The following DYNC2H1 variants were observed in gnomAD, a reference collection of about 807,000 sequenced individuals.
DYNC2H1 encodes dynein cytoplasmic 2 heavy chain 1.
Under a neutral mutation model 570.0 loss-of-function variants are expected in DYNC2H1, and 410 were observed. That is an observed-to-expected ratio of 0.72 (90% CI 0.66 to 0.78). The LOEUF (loss-of-function observed/expected upper bound fraction) is 0.78. DYNC2H1 is among the 30% of genes least tolerant of loss of function. The probability of loss-of-function intolerance (pLI) is 0.00; values close to 1 mark genes in which losing one functional copy is unlikely to be tolerated. For synonymous variants in DYNC2H1, 1,688 were observed against 1,677.6 expected, an observed-to-expected ratio of 1.01 and a Z score of -0.15; for missense variants, 4,865 against 5,046.4, an observed-to-expected ratio of 0.96 and a Z score of 1.09.
intron 88 of DYNC2H1, among the ~76,000 whole-genome samples, chr11:103,473,339 T>A (rs1047950172): frequency 2.0e-5 from 3 of 147,842 alleles, no homozygotes; most frequent in African/African-American, 7.6e-5. Flanking sequence ...CAGGCTGGAG[T>A]GCAGTGGCTC....
chr11:103,417,369 A>G (rs2458647), intron 84 of DYNC2H1, among the ~76,000 whole-genome samples: 75,887 of 151,532 alleles, frequency 0.5, 19,174 homozygotes, highest in African/African-American at 0.58. Flanking sequence ...CCAAATTGCT[A>G]GGATTACAGG....
chr11:103,415,514 GAA>G (rs556981825), intron 84 of DYNC2H1, among the ~76,000 whole-genome samples: 10 of 152,272 alleles, frequency 6.6e-5, no homozygotes, highest in Non-Finnish European at 1.0e-4. Context: ...CTTCTCAAAA[GAA>G]GACATCTATG....
chr11:103,470,449 T>G (rs1173163730), intron 88 of DYNC2H1, among the ~76,000 whole-genome samples: 1 of 152,202 alleles, frequency 6.6e-6, no homozygotes, highest in Non-Finnish European at 1.5e-5. Context: ...TTCTTTAAGT[T>G]TTAGGGTACA....
chr11:103,116,853 A>T, intron 5 of DYNC2H1, 139 bp downstream of exon 5: 1 of 702,680 alleles, frequency 1.4e-6, no homozygotes, highest in Non-Finnish European at 2.1e-6. Flanking sequence ...CATTATTTAA[A>T]TAGATATTTG....
At chr11:103,440,259 C>T (rs1175064701) in intron 85 of DYNC2H1, among the ~76,000 whole-genome samples, 1 of 152,130 alleles carries the variant, frequency 6.6e-6, no homozygotes, top group African/African-American at 2.4e-5. Flanking sequence ...GTTTAATGGA[C>T]TCCTAAATAT....
chr11:103,253,869 T>C (rs2135256111), intron 66 of DYNC2H1, among the ~76,000 whole-genome samples: 1 of 152,266 alleles, frequency 6.6e-6, no homozygotes, highest in East Asian at 1.9e-4. Flanking sequence ...TTAGAACACA[T>C]GGCATCTTTG....
intron 81 of DYNC2H1, 41 bp from the exon 82 acceptor site, chr11:103,323,841 ATCTT>A (rs1938332896): frequency 7.1e-7 from 1 of 1,412,406 alleles, no homozygotes; most frequent in African/African-American, 1.4e-5. Context: ...TGTAAGTTCA[ATCTT>A]TATTTTTTAA....
rs1349502187 is a variant in DYNC2H1, at chr11:103,170,716, A to T, written c.5152-170A>T. On this transcript the variant is annotated intron_variant, in intron 33 of 88. Coordinates refer to ENST00000375735, the MANE Select transcript of DYNC2H1 (RefSeq NM_001377.3). This position sits in a 1 kb window ranked among gnomAD's most constrained non-coding sequence, Gnocchi z 4.8. The stretch of plus-strand genomic sequence containing the variant: ...ATGCATTATTTTGTTTATCCCTTGA[A>T]ATCAACCTGGGTTTTGAAAGAGTAG... 6.6e-6 allele frequency among the ~76,000 whole-genome samples: 1 copy of T among 152,188 alleles called. No individual in the cohort carries two copies. The highest frequency in any genetic ancestry group is 1.5e-5 in the Non-Finnish European group (1 of 68,030).
At chr11:103,394,990 C>T (rs1416746881) in intron 83 of DYNC2H1, among the ~76,000 whole-genome samples, 1 of 152,000 alleles carries the variant, frequency 6.6e-6, no homozygotes, top group Non-Finnish European at 1.5e-5. Flanking sequence ...CCTTCCCTAC[C>T]CTCCTCTTTC....
chr11:103,372,333 G>T (rs894836257), intron 83 of DYNC2H1, among the ~76,000 whole-genome samples: 1 of 152,022 alleles, frequency 6.6e-6, no homozygotes, highest in Admixed American at 6.6e-5. Flanking sequence ...TCTCGTTCTT[G>T]ATCTTAACAT....
intron 85 of DYNC2H1, 129 bp downstream of exon 85, chr11:103,436,161 A>T (rs1444826235): frequency 2.3e-5 from 16 of 695,092 alleles, no homozygotes. Flanking sequence ...TATATTCATT[A>T]TTCTGCCATT....
Position 103,201,463 on chromosome 11 carries a change from T to C in DYNC2H1, c.8197+1309T>C, listed in dbSNP as rs1862715378. Reference sequence around the variant, plus strand: ...ATTCCTCAGCATTTCTCACCCCTAATTGCACGTTAGAATCACTAGGATAAT... The same window carrying C: ...ATTCCTCAGCATTTCTCACCCCTAACTGCACGTTAGAATCACTAGGATAAT... On this transcript the variant is annotated intron_variant, in intron 50 of 88. Transcript: ENST00000375735. The surrounding 1 kb of genome is among the most constrained non-coding windows in gnomAD (Gnocchi z 4.8). Among the ~76,000 whole-genome samples the C allele has an allele frequency of 6.6e-6, 1 of 152,080 alleles. No homozygotes were observed. The highest frequency in any genetic ancestry group is 2.4e-5 in the African/African-American group (1 of 41,404).
intron 84 of DYNC2H1, chr11:103,404,855 T>C (rs1187576169): frequency 1.3e-5 from 2 of 151,876 alleles, no homozygotes; most frequent in East Asian, 3.9e-4. Context: ...GATCATTTGA[T>C]GTTACCGCCA....
intron 47 of DYNC2H1, among the ~76,000 whole-genome samples, chr11:103,192,703 T>C (rs1862366596): frequency 1.3e-5 from 2 of 152,224 alleles, no homozygotes; most frequent in Non-Finnish European, 2.9e-5. Flanking sequence ...TCATCTATTG[T>C]TATTGTAAAG....
At chr11:103,361,426 T>A (rs772759257) in intron 83 of DYNC2H1, among the ~76,000 whole-genome samples, 1 of 152,214 alleles carries the variant, frequency 6.6e-6, no homozygotes, top group Non-Finnish European at 1.5e-5. Flanking sequence ...AGAAATACAT[T>A]TCTGTTGTTT....
At chr11:103,454,285 C>G (rs764147516) in intron 85 of DYNC2H1, among the ~76,000 whole-genome samples, 3 of 152,050 alleles carry the variant, frequency 2.0e-5, no homozygotes, top group Non-Finnish European at 4.4e-5. Context: ...GGATTCTGTA[C>G]GTTTTTAATC....
chr11:103,120,875 A>G, intron 8 of DYNC2H1, 50 bp from the exon 9 acceptor site: 1 of 1,177,520 alleles, frequency 8.5e-7, no homozygotes, highest in Non-Finnish European at 1.1e-6. Context: ...ATATATATTT[A>G]CTGAGTTGAT....
rs1199478527 is a variant in DYNC2H1 at position 103,135,959 on chromosome 11, T to C, written c.2574+11T>C. The stretch of plus-strand genomic sequence containing the variant: ...TTACACCAACATAAGGTATAGAACA[T>C]GTAATGTTCCATCCTTCCATCATAA... On this transcript the variant is annotated intron_variant, in intron 17 of 88. Transcript: ENST00000375735. 1.9e-6 allele frequency: 3 copies of C among 1,541,666 alleles called. No homozygotes were observed. The highest frequency in any genetic ancestry group is 2.0e-5 in the Admixed American group (1 of 51,144).
intron 54 of DYNC2H1, among the ~76,000 whole-genome samples, 191 bp downstream of exon 54, chr11:103,212,134 A>T (rs182185281): frequency 2.8e-4 from 42 of 152,202 alleles, no homozygotes; most frequent in East Asian, 2.3e-3. Context: ...TATTTTTTTT[A>T]AAATTCAGTG....
Sources: gnomAD v4.1 joint callset for allele counts (sites outside exome capture counted in the v4.1 genomes callset) on GRCh38, gnomAD v4.1.1 for gene constraint, Gnocchi (gnomAD v3.1) non-coding constraint, MANE v1.5 for transcripts, NCBI Gene and HGNC (gene_info 2026-07-23, HGNC 2026-07-21) for gene names.